Variants in GNB1 observed in about 807,000 individuals in gnomAD.
The protein encoded by GNB1 is G protein subunit beta 1.
GNB1 carries 2 observed loss-of-function variants against 42.9 expected under a neutral mutation model. The observed-to-expected ratio is 0.05, with a 90% CI of 0.02 to 0.15. The LOEUF is 0.15. Among genes scored for constraint, GNB1 ranks in the 10% least tolerant of loss-of-function variants. The pLI, the probability that GNB1 is intolerant of heterozygous loss-of-function variation, is 1.00. For synonymous variants in GNB1, 183 were observed against 174.7 expected, an observed-to-expected ratio of 1.05 and a Z score of -0.38; for missense variants, 193 against 462.2, an observed-to-expected ratio of 0.42 and a Z score of 5.34.
intron 2 of GNB1, among the ~76,000 whole-genome samples, 161 bp downstream of exon 2, chr1:1,839,029 G>A (rs1647187922): frequency 6.6e-6 from 1 of 152,184 alleles, no homozygotes; most frequent in African/African-American, 2.4e-5. Context: ...GCTGAGGTGA[G>A]AGAACCCCTT....
chr1:1,811,081 A>ATTTTTTT (rs70937196), intron 5 of GNB1, among the ~76,000 whole-genome samples: 1 of 73,146 alleles, frequency 1.4e-5, no homozygotes, highest in African/African-American at 3.7e-5. Flanking sequence ...ATATATATAT[A>ATTTTTTT]TTTTTTTTTT....
rs190412595 is a variant in GNB1, at chr1:1,806,040, C to T, written c.267+435G>A. On this transcript the variant is annotated intron_variant, in intron 6 of 11. Coordinates refer to ENST00000378609, the MANE Select transcript of GNB1 (RefSeq NM_002074.5). ...ACAATACTTTTTATTCAAAACAATA[C>T]ACTTTGGATTAAGTCTTGAAAATAA... is the stretch of plus-strand genomic sequence containing the variant. Among the ~76,000 whole-genome samples the T allele has an allele frequency of 1.3e-3, 203 of 152,278 alleles. 1 individual carries two copies. The highest frequency in any genetic ancestry group is 2.7e-3 in the Non-Finnish European group (181 of 68,024).
At chr1:1,865,133 G>A (rs1219084418) in intron 1 of GNB1, among the ~76,000 whole-genome samples, 3 of 151,342 alleles carry the variant, frequency 2.0e-5, no homozygotes, top group East Asian at 3.9e-4. Context: ...GTGGTGGCGG[G>A]CACCTGAAGT....
chr1:1,824,494 T>C (rs1161397097), intron 3 of GNB1, among the ~76,000 whole-genome samples: 1 of 152,212 alleles, frequency 6.6e-6, no homozygotes, highest in Admixed American at 6.6e-5. Flanking sequence ...AGTCACAGAC[T>C]GGAATTTAAT....
Position 1,875,719 on chromosome 1 carries a change from A to G in GNB1, c.-96+15101T>C, listed in dbSNP as rs532259124. ...CTTACAAGTTTCTTCAACCTCCAAC[A>G]GAGACTTCATTTCACAAGGCTGGCC... is the stretch of plus-strand genomic sequence containing the variant. On this transcript the variant is annotated intron_variant, in intron 1 of 11. Transcript: ENST00000378609. Among the ~76,000 whole-genome samples, 6 of 152,244 alleles carry G rather than the reference A, an allele frequency of 3.9e-5. 1 individual carries two copies. In the East Asian group the frequency reaches 9.7e-4, roughly 25 times the overall value.
At chr1:1,813,156 CTT>C (rs554717267) in intron 5 of GNB1, among the ~76,000 whole-genome samples, 6 of 145,558 alleles carry the variant, frequency 4.1e-5, no homozygotes, top group African/African-American at 1.0e-4. Context: ...AACATTTTTT[CTT>C]TTTTTTTTTT....
At chr1:1,845,345 G>A (rs973799740) in intron 1 of GNB1, among the ~76,000 whole-genome samples, 5 of 152,118 alleles carry the variant, frequency 3.3e-5, no homozygotes, top group African/African-American at 7.2e-5. Context: ...AGGCCAAGGC[G>A]GGCGGATCAC....
intron 3 of GNB1, among the ~76,000 whole-genome samples, chr1:1,822,592 G>A (rs1377387935): frequency 6.6e-6 from 1 of 152,110 alleles, no homozygotes; most frequent in South Asian, 2.1e-4. Flanking sequence ...TGGGATTACA[G>A]GCGTCAGCCA....
At chr1:1,795,912 T>C (rs1340818780) in intron 7 of GNB1, among the ~76,000 whole-genome samples, 1 of 152,136 alleles carries the variant, frequency 6.6e-6, no homozygotes, top group Non-Finnish European at 1.5e-5. Context: ...TAAAATGATG[T>C]GGACAAGCAT....
intron 1 of GNB1, among the ~76,000 whole-genome samples, chr1:1,858,478 C>T (rs1166602862): frequency 2.0e-5 from 3 of 152,140 alleles, no homozygotes; most frequent in African/African-American, 4.8e-5. Context: ...TGGTGACAGG[C>T]AGCACCCCGA....
chr1:1,881,849 C>T (rs897761065), intron 1 of GNB1, among the ~76,000 whole-genome samples: 3 of 152,138 alleles, frequency 2.0e-5, no homozygotes, highest in African/African-American at 2.4e-5. Context: ...CAGTATTGTG[C>T]GGGGTGCTGG....
At chr1:1,852,844 G>C (rs1648066352) in intron 1 of GNB1, among the ~76,000 whole-genome samples, 1 of 152,008 alleles carries the variant, frequency 6.6e-6, no homozygotes, top group Non-Finnish European at 1.5e-5. Context: ...GCCACACCCA[G>C]TCACGCCCCC....
chr1:1,883,129 G>A (rs751634073), intron 1 of GNB1, among the ~76,000 whole-genome samples: 7 of 151,742 alleles, frequency 4.6e-5, no homozygotes, highest in Non-Finnish European at 8.8e-5. Flanking sequence ...AAAATTAGCT[G>A]GGCACGGTGG....
intron 8 of GNB1, among the ~76,000 whole-genome samples, chr1:1,791,641 C>T (rs1404430851): frequency 2.0e-5 from 3 of 152,156 alleles, no homozygotes; most frequent in Non-Finnish European, 4.4e-5. Context: ...AAGGCAACAC[C>T]AGAGAGCACT....
intron 1 of GNB1, among the ~76,000 whole-genome samples, chr1:1,853,702 A>G (rs569042859): frequency 1.2e-3 from 177 of 152,146 alleles, no homozygotes; most frequent in Non-Finnish European, 2.1e-3. Context: ...AATAATAGAA[A>G]CTATGTCTTC....
At chr1:1,870,333 A>G (rs1181766948) in intron 1 of GNB1, among the ~76,000 whole-genome samples, 1 of 152,018 alleles carries the variant, frequency 6.6e-6, no homozygotes, top group Non-Finnish European at 1.5e-5. Flanking sequence ...ATGCCCAGCT[A>G]ATTTTGTTTT....
At chr1:1,829,255 C>A (rs1285470283) in intron 2 of GNB1, among the ~76,000 whole-genome samples, 1 of 152,128 alleles carries the variant, frequency 6.6e-6, no homozygotes, top group East Asian at 1.9e-4. Context: ...CGGGGTTTCA[C>A]CACGTTGGCC....
intron 1 of GNB1, among the ~76,000 whole-genome samples, chr1:1,852,579 T>C (rs1295602523): frequency 1.3e-5 from 2 of 151,604 alleles, no homozygotes; most frequent in African/African-American, 2.4e-5. Context: ...CCTGTAGTCC[T>C]AGCTACTCCA....
chr1:1,852,509 C>A (rs981389237), intron 1 of GNB1, among the ~76,000 whole-genome samples: 5 of 151,986 alleles, frequency 3.3e-5, no homozygotes, highest in African/African-American at 1.2e-4. Flanking sequence ...GGATTACAGG[C>A]TCGAGCCACG....
Sources: gnomAD v4.1 joint callset for allele counts (sites outside exome capture counted in the v4.1 genomes callset) on GRCh38, gnomAD v4.1.1 for gene constraint, MANE v1.5 for transcripts, NCBI Gene and HGNC (gene_info 2026-07-23, HGNC 2026-07-21) for gene names.